The following MIOS variants were observed in gnomAD, a reference collection of about 807,000 sequenced individuals.
The protein encoded by MIOS is GATOR2 complex protein MIOS.
Under a neutral mutation model 96.9 loss-of-function variants are expected in MIOS, and 52 were observed. The ratio of observed to expected loss-of-function variants is 0.54; its 90% CI spans 0.43 to 0.68. The LOEUF is 0.68. Ranked by LOEUF, MIOS falls within the 30% of genes least tolerant of loss-of-function variation. The probability of loss-of-function intolerance (pLI) is 0.00; values close to 1 mark genes in which losing one functional copy is unlikely to be tolerated. For synonymous variants in MIOS, 397 were observed against 359.5 expected (o/e 1.10, Z -1.18); for missense variants, 1,005 against 1,052.8 (o/e 0.95, Z 0.63).
intron 8 of MIOS, 65 bp downstream of exon 8, chr7:7,588,628 C>A: frequency 2.9e-6 from 3 of 1,044,832 alleles, no homozygotes; most frequent in Non-Finnish European, 4.1e-6. Context: ...ATGTAAGAAA[C>A]TAGTCTTTAT....
intron 3 of MIOS, among the ~76,000 whole-genome samples, chr7:7,571,087 G>C (rs1046991313): frequency 6.6e-6 from 1 of 152,198 alleles, no homozygotes; most frequent in Non-Finnish European, 1.5e-5. Flanking sequence ...AGGATAGAGA[G>C]GTAAGTGAAC....
At chr7:7,606,494 A>G (rs1332239985) in intron 12 of MIOS, among the ~76,000 whole-genome samples, 1 of 152,186 alleles carries the variant, frequency 6.6e-6, no homozygotes, top group Non-Finnish European at 1.5e-5. Context: ...CTGTCAAGAC[A>G]TATTTGAATT....
At chr7:7,591,329 T>G (rs1463903419) in intron 9 of MIOS, among the ~76,000 whole-genome samples, 2 of 146,812 alleles carry the variant, frequency 1.4e-5, no homozygotes, top group South Asian at 4.3e-4. Flanking sequence ...AGGGTCTCGC[T>G]CTCTCACCCA....
At chr7:7,579,844 G>C (rs185915071) in intron 5 of MIOS, among the ~76,000 whole-genome samples, 3 of 152,286 alleles carry the variant, frequency 2.0e-5, no homozygotes, top group Admixed American at 2.0e-4. Flanking sequence ...TAAGTACACT[G>C]TGATGTTCAT....
At chr7:7,594,663 G>A (rs1784152064) in intron 9 of MIOS, among the ~76,000 whole-genome samples, 1 of 152,142 alleles carries the variant, frequency 6.6e-6, no homozygotes, top group Non-Finnish European at 1.5e-5. Context: ...CTGGGACAAA[G>A]GGTATTCGTA....
chr7:7,605,360 T>G (rs967836865), intron 11 of MIOS: 2 of 151,306 alleles, frequency 1.3e-5, no homozygotes, highest in Non-Finnish European at 2.9e-5. Context: ...AGCAGTGCAA[T>G]CTCGGCTCCC....
intron 5 of MIOS, among the ~76,000 whole-genome samples, chr7:7,578,410 G>A (rs1011130775): frequency 6.6e-6 from 1 of 151,972 alleles, no homozygotes; most frequent in Admixed American, 6.6e-5. Flanking sequence ...CTACAGTTCC[G>A]GCTACTCAGG....
At chr7:7,568,733 G>C (rs1279311129) in intron 3 of MIOS, among the ~76,000 whole-genome samples, 1 of 152,170 alleles carries the variant, frequency 6.6e-6, no homozygotes, top group African/African-American at 2.4e-5. Flanking sequence ...AATCTAGGAC[G>C]GAAGTTGAGA....
Position 7,607,808 on chromosome 7 carries a change from C to CA in MIOS, c.*717dup, listed in dbSNP as rs1296736377. 1 of 152,050 alleles carries CA rather than the reference C, an allele frequency of 6.6e-6. No individual in the cohort carries two copies. The highest frequency in any genetic ancestry group is 1.5e-5 in the Non-Finnish European group (1 of 67,996). 9.4% of individuals were successfully genotyped at this position (152,050 alleles called of 1,614,324 possible). ...ACTTTTTCTCTTCAGTAGAGAAAAA[C>CA]ATGTACCATTTCAGGTGAACATACA... On this transcript the variant is annotated 3_prime_UTR_variant, in exon 13 of 13. Coordinates refer to ENST00000340080, the MANE Select transcript of MIOS (RefSeq NM_019005.4).
At chr7:7,575,997 C>G (rs529262057) in intron 5 of MIOS, among the ~76,000 whole-genome samples, 1 of 151,962 alleles carries the variant, frequency 6.6e-6, no homozygotes, top group Admixed American at 6.6e-5. Flanking sequence ...TTTGGCCATA[C>G]CTTTTCCTCT....
intron 6 of MIOS, among the ~76,000 whole-genome samples, chr7:7,584,034 A>C (rs1291496667): frequency 6.6e-6 from 1 of 152,138 alleles, no homozygotes; most frequent in African/African-American, 2.4e-5. Context: ...GAAATAACTA[A>C]AATATATATA....
At chr7:7,601,772 AAG>A (rs1784386565) in intron 11 of MIOS, among the ~76,000 whole-genome samples, 1 of 152,230 alleles carries the variant, frequency 6.6e-6, no homozygotes, top group Non-Finnish European at 1.5e-5. Context: ...ACAACAAAAA[AAG>A]AGAATTTTAG....
intron 5 of MIOS, among the ~76,000 whole-genome samples, chr7:7,576,644 TC>T (rs2115370668): frequency 6.6e-6 from 1 of 152,154 alleles, no homozygotes; most frequent in East Asian, 1.9e-4. Context: ...GACTTAGAAA[TC>T]ATGTTAAGAA....
intron 11 of MIOS, among the ~76,000 whole-genome samples, chr7:7,599,935 C>G (rs1467101482): frequency 6.6e-6 from 1 of 152,014 alleles, no homozygotes; most frequent in Non-Finnish European, 1.5e-5. Context: ...GAACAGAAAA[C>G]CAAATACCAC....
intron 5 of MIOS, chr7:7,581,666 T>C (rs1480839925): frequency 6.6e-5 from 10 of 152,226 alleles, no homozygotes; most frequent in African/African-American, 1.2e-4. Flanking sequence ...TGAGGGCTAA[T>C]GGCCAGAAAT....
In MIOS at chr7:7,572,375, T is replaced by G; in HGVS notation, c.-40-61T>G. Reference sequence around the variant, plus strand: ...ATTTTCTGACTTTCTGAATAGTTTATTCAACGTAAGAATTATATTTTGCTG... The same window carrying G: ...ATTTTCTGACTTTCTGAATAGTTTAGTCAACGTAAGAATTATATTTTGCTG... On this transcript the variant is annotated intron_variant, in intron 3 of 12. Coordinates refer to ENST00000340080, the MANE Select transcript of MIOS (RefSeq NM_019005.4). The surrounding 1 kb of genome is among the most constrained non-coding windows in gnomAD (Gnocchi z 4.8). 1 of 824,448 alleles carries G rather than the reference T, an allele frequency of 1.2e-6. No individual in the cohort carries two copies. The allele number at this position is 824,448 out of a possible 1,614,324, so 51.1% of individuals were successfully genotyped here.
At chr7:7,581,174 T>C (rs1783712312) in intron 5 of MIOS, among the ~76,000 whole-genome samples, 1 of 151,104 alleles carries the variant, frequency 6.6e-6, no homozygotes, top group Non-Finnish European at 1.5e-5. Flanking sequence ...ATACAAAAAT[T>C]AGCCGGGTGT....
chr7:7,572,942 T>C lies in MIOS; in HGVS notation c.467T>C (p.Val156Ala). ...TGCAGCAAATATACTCCTGATATAGTTCCCATGGAAAAAGTGAAACTTTCA... is the reference window on the plus strand; with the variant it reads ...TGCAGCAAATATACTCCTGATATAGCTCCCATGGAAAAAGTGAAACTTTCA... Reference protein sequence around the residue: ...DICSKYTPDIVPMEKVKLSAG... With the variant: ...DICSKYTPDIAPMEKVKLSAG... Residue 156 changes from valine (V) to alanine (A), a missense_variant, in exon 4 of 13, where the codon GTT (valine) becomes GCT (alanine). Transcript: ENST00000340080. This position sits in a 1 kb window ranked among gnomAD's most constrained non-coding sequence, Gnocchi z 4.8. The C allele has an allele frequency of 6.2e-7, 1 of 1,614,136 alleles. No individual in the cohort carries two copies. The highest frequency in any genetic ancestry group is 8.5e-7 in the Non-Finnish European group (1 of 1,179,994).
chr7:7,608,315 G>T lies in MIOS; in HGVS notation c.*1223G>T, dbSNP rs1445113732. 6.6e-6 allele frequency: 1 copy of T among 152,034 alleles called. No individual in the cohort carries two copies. The highest frequency in any genetic ancestry group is 1.5e-5 in the Non-Finnish European group (1 of 67,942). The allele number at this position is 152,034 out of a possible 1,614,324, so 9.4% of individuals were successfully genotyped here. A position where few individuals can be genotyped will look rare whatever the true frequency, so the allele number is the denominator to read the frequency against. ...CATAAAGAGTAAATCTTATTTTATA[G>T]ATTTTGGAGAAATAAAACAAGAATT... On this transcript the variant is annotated 3_prime_UTR_variant, in exon 13 of 13. Transcript: ENST00000340080.
Sources: allele counts gnomAD v4.1 joint callset (sites outside exome capture counted in the v4.1 genomes callset), GRCh38; gene constraint gnomAD v4.1.1; non-coding constraint Gnocchi (gnomAD v3.1); transcripts MANE v1.5; gene names NCBI Gene and HGNC (gene_info 2026-07-23, HGNC 2026-07-21).